FSTL5: variants seen among roughly 807,000 people sequenced by gnomAD.
The protein encoded by FSTL5 is follistatin-related protein 5.
Under a neutral mutation model 89.1 loss-of-function variants are expected in FSTL5, and 62 were observed. The ratio of observed to expected loss-of-function variants is 0.70; its 90% CI spans 0.57 to 0.86. The LOEUF (loss-of-function observed/expected upper bound fraction) is 0.86, where lower values mean the gene tolerates loss of function less well. FSTL5 is among the 40% of genes least tolerant of loss of function. The probability of loss-of-function intolerance (pLI) is 0.00; values close to 1 mark genes in which losing one functional copy is unlikely to be tolerated. For synonymous variants in FSTL5, 383 were observed against 346.2 expected (o/e 1.11, Z -1.18); for missense variants, 1,057 against 1,001.6 (o/e 1.06, Z -0.75).
At chr4:161,930,480 A>G (rs1578870022) in intron 3 of FSTL5, among the ~76,000 whole-genome samples, 3 of 151,648 alleles carry the variant, frequency 2.0e-5, no homozygotes, top group Non-Finnish European at 4.4e-5. Flanking sequence ...AAGTTTAAAA[A>G]TATTATATCA....
intron 15 of FSTL5, among the ~76,000 whole-genome samples, chr4:161,413,248 A>T (rs1167335625): frequency 7.6e-6 from 1 of 132,382 alleles, no homozygotes; most frequent in African/African-American, 3.0e-5. Flanking sequence ...ATGAATAGAC[A>T]CTTCTCAAAA....
intron 13 of FSTL5, among the ~76,000 whole-genome samples, chr4:161,479,917 T>C (rs557012277): frequency 1.3e-5 from 2 of 152,240 alleles, no homozygotes; most frequent in African/African-American, 4.8e-5. Flanking sequence ...ACAGAATATA[T>C]GGATGAAATG....
intron 13 of FSTL5, among the ~76,000 whole-genome samples, chr4:161,461,246 G>A (rs1733561654): frequency 6.8e-6 from 1 of 146,236 alleles, no homozygotes. Flanking sequence ...CAGGAGGTCA[G>A]GAGATAGATA....
intron 4 of FSTL5, among the ~76,000 whole-genome samples, chr4:161,894,418 T>C (rs750642410): frequency 6.6e-6 from 1 of 152,200 alleles, no homozygotes; most frequent in Non-Finnish European, 1.5e-5. Context: ...AAATCCTCTG[T>C]TGGTCATTTC....
At chr4:162,111,849 T>C (rs763768188) in intron 1 of FSTL5, among the ~76,000 whole-genome samples, 2 of 152,146 alleles carry the variant, frequency 1.3e-5, no homozygotes, top group Admixed American at 6.5e-5. Context: ...CTGGTAAATA[T>C]TGATGAGAAG....
At chr4:161,649,817 A>G (rs1335483261) in intron 7 of FSTL5, among the ~76,000 whole-genome samples, 3 of 152,204 alleles carry the variant, frequency 2.0e-5, no homozygotes, top group Non-Finnish European at 4.4e-5. Flanking sequence ...AAGACTCTTT[A>G]CAACAGCAAC....
chr4:161,393,990 C>T (rs948729847), intron 15 of FSTL5, among the ~76,000 whole-genome samples: 13 of 152,016 alleles, frequency 8.6e-5, no homozygotes, highest in African/African-American at 3.1e-4. Flanking sequence ...GGGATGGAAA[C>T]GCAAAACAGC....
intron 7 of FSTL5, among the ~76,000 whole-genome samples, chr4:161,604,031 A>T (rs1734348545): frequency 6.6e-6 from 1 of 152,120 alleles, no homozygotes; most frequent in Non-Finnish European, 1.5e-5. Context: ...TAAGATTCTG[A>T]TGTCATTATA....
At chr4:162,082,728 T>C (rs1302496198) in intron 2 of FSTL5, among the ~76,000 whole-genome samples, 5 of 151,644 alleles carry the variant, frequency 3.3e-5, no homozygotes, top group African/African-American at 1.2e-4. Flanking sequence ...TCACAGTATA[T>C]TAAATATAAA....
chr4:161,766,906 CGATTGATAGATAGATAGATA>C (rs1245399341), intron 5 of FSTL5, among the ~76,000 whole-genome samples: 23 of 138,744 alleles, frequency 1.7e-4, no homozygotes, highest in East Asian at 1.3e-3. Flanking sequence ...GATGATAGAT[CGATTGATAGATAGATAGATA>C]GATAGATAGA....
chr4:162,120,738 T>C (rs976164725), intron 1 of FSTL5, among the ~76,000 whole-genome samples: 1 of 152,080 alleles, frequency 6.6e-6, no homozygotes, highest in Non-Finnish European at 1.5e-5. Flanking sequence ...ATTCCTAGCA[T>C]AGTATTTTAA....
chr4:161,658,008 C>A (rs1223629829), intron 6 of FSTL5, among the ~76,000 whole-genome samples: 1 of 152,174 alleles, frequency 6.6e-6, no homozygotes. Flanking sequence ...TAGAGAAAGG[C>A]TCAGCCCAAA....
intron 15 of FSTL5, among the ~76,000 whole-genome samples, chr4:161,401,713 G>C (rs1731185791): frequency 6.6e-6 from 1 of 151,876 alleles, no homozygotes; most frequent in Non-Finnish European, 1.5e-5. Context: ...TTTTTTACTA[G>C]AGATGGGATT....
intron 8 of FSTL5, among the ~76,000 whole-genome samples, chr4:161,572,145 C>A (rs1578935031): frequency 6.6e-6 from 1 of 151,586 alleles, no homozygotes; most frequent in East Asian, 2.0e-4. Flanking sequence ...ATGGTGAAAC[C>A]TCACCTCTAC....
chr4:161,390,338 A>T (rs1259969274), intron 15 of FSTL5, among the ~76,000 whole-genome samples: 6 of 152,208 alleles, frequency 3.9e-5, no homozygotes, highest in African/African-American at 1.4e-4. Flanking sequence ...GGTTGCAGTC[A>T]GCATTTATGT....
intron 4 of FSTL5, among the ~76,000 whole-genome samples, chr4:161,805,957 C>T (rs1012303802): frequency 6.6e-6 from 1 of 152,010 alleles, no homozygotes; most frequent in African/African-American, 2.4e-5. Flanking sequence ...TATATTGTTA[C>T]AATTCTATCT....
In FSTL5 at chr4:161,468,807, T is replaced by C. The variant is rs146509507; in HGVS notation, c.1609-9488A>G. 5.9e-5 allele frequency among the ~76,000 whole-genome samples: 9 copies of C among 152,294 alleles called. No homozygotes were observed. The East Asian group carries it at 1.5e-3, about 26-fold the overall frequency. ...TTTATTATCTGTAAGACTGTGTGTA[T>C]ACCTTTTCTTTCATTCAATTCTGAT... On this transcript the variant is annotated intron_variant, in intron 13 of 15. Coordinates refer to ENST00000306100, the MANE Select transcript of FSTL5 (RefSeq NM_020116.5).
intron 15 of FSTL5, among the ~76,000 whole-genome samples, chr4:161,432,449 C>A (rs894876471): frequency 1.3e-5 from 2 of 151,806 alleles, no homozygotes; most frequent in African/African-American, 2.4e-5. Flanking sequence ...ACAATGTGAA[C>A]CGTACTAAGA....
intron 3 of FSTL5, among the ~76,000 whole-genome samples, chr4:161,951,549 C>T (rs17458962): frequency 0.031 from 4,780 of 152,074 alleles, 126 homozygotes; most frequent in Non-Finnish European, 0.043. Context: ...TTATTTGCAA[C>T]GTTCTACATC....
Sources: allele counts gnomAD v4.1 joint callset (sites outside exome capture counted in the v4.1 genomes callset), GRCh38; gene constraint gnomAD v4.1.1; transcripts MANE v1.5; gene names NCBI Gene and HGNC (gene_info 2026-07-23, HGNC 2026-07-21).